The following DEFB129 variants were observed in gnomAD, a reference collection of about 807,000 sequenced individuals.
The protein encoded by DEFB129 is defensin beta 129, also known as beta-defensin 129.
Under a neutral mutation model 2.5 loss-of-function variants are expected in DEFB129, and 2 were observed. The ratio of observed to expected loss-of-function variants is 0.80; its 90% CI spans 0.33 to 2.53. The LOEUF (loss-of-function observed/expected upper bound fraction) is 2.53, where lower values mean the gene tolerates loss of function less well. Ranked by LOEUF, DEFB129 falls within the 30% of genes most tolerant of loss-of-function variation. The probability of loss-of-function intolerance (pLI) is 0.11; values close to 1 mark genes in which losing one functional copy is unlikely to be tolerated. For synonymous variants in DEFB129, 76 were observed against 74.4 expected (o/e 1.02, Z -0.11); for missense variants, 177 against 216.9 (o/e 0.82, Z 1.16).
chr20:229,194 T>TA (rs1413880901), intron 1 of DEFB129, 84 bp from the exon 2 acceptor site: 30 of 1,490,364 alleles, frequency 2.0e-5, no homozygotes, highest in Non-Finnish European at 2.3e-5. Flanking sequence ...AACTCTCTCT[T>TA]AGTCTATCCA....
Position 229,621 on chromosome 20 carries a change from C to A in DEFB129, c.402C>A (p.Thr134=), listed in dbSNP as rs769552404. The A allele has an allele frequency of 1.9e-6, 3 of 1,614,112 alleles. No individual in the cohort carries two copies. The highest frequency in any genetic ancestry group is 2.2e-5 in the East Asian group (1 of 44,888). The change falls in exon 2 of 2, where the codon ACC becomes ACA. Residue 134 remains threonine, a synonymous_variant. Transcript: ENST00000246105. ...PMNSATISTM[T]PGQITYTATS... ...ACTCTGCCACCATCAGCACTATGAC[C>A]CCAGGACAGATCACATACACTGCTA...
intron 1 of DEFB129, among the ~76,000 whole-genome samples, chr20:228,800 T>C (rs1196435852): frequency 6.6e-6 from 1 of 152,134 alleles, no homozygotes; most frequent in East Asian, 1.9e-4. Context: ...GATCTAGTGA[T>C]TGTTGAGAAG....
Position 229,435 on chromosome 20 carries a change from A to G in DEFB129, c.216A>G (p.Pro72=). 6.2e-7 allele frequency: 1 copy of G among 1,614,200 alleles called. No individual in the cohort carries two copies. The change falls in exon 2 of 2, where the codon CCA becomes CCG. Residue 72 remains proline, a synonymous_variant. Coordinates refer to ENST00000246105, the MANE Select transcript of DEFB129 (RefSeq NM_080831.4). The stretch of plus-strand genomic sequence containing the variant: ...AAAACTACCTGCAATATGGAACACC[A>G]AATGTACTTAATGAAGACGTCCAAG... ...LIKNYLQYGT[P]NVLNEDVQEM...
Position 227,355 on chromosome 20 carries a change from G to T in DEFB129, c.58+9G>T. 4 of 1,614,104 alleles carry T rather than the reference G, an allele frequency of 2.5e-6. No individual in the cohort carries two copies. Among genetic ancestry groups the T allele is most frequent in the Non-Finnish European group, 3.4e-6 (4 of 1,179,952 alleles). ...GTACCAGGTGAACACAGGTAATGTG[G>T]ATTCCCAAGTTTAAGATGGGTAGAT... On this transcript the variant is annotated intron_variant, in intron 1 of 1. Coordinates refer to ENST00000246105, the MANE Select transcript of DEFB129 (RefSeq NM_080831.4).
rs2011318113 is a variant in DEFB129, at chr20:229,586, AC to A, written c.371del (p.Pro124LeufsTer2). The A allele has an allele frequency of 6.2e-7, 1 of 1,614,142 alleles. No homozygotes were observed. The highest frequency in any genetic ancestry group is 2.2e-5 in the East Asian group (1 of 44,886). On this transcript the variant is annotated frameshift_variant, in exon 2 of 2. Coordinates refer to ENST00000246105, the MANE Select transcript of DEFB129 (RefSeq NM_080831.4). LOFTEE classifies it low-confidence loss of function (END_TRUNC). The part of the protein sequence containing the change: ...NTNFVIIPNA[T>X]PMNSATISTM... ...CAACTTTGTCATCATTCCAAATGCC[AC>A]CCCTATGAACTCTGCCACCATCAGC...
intron 1 of DEFB129, among the ~76,000 whole-genome samples, chr20:228,264 A>G (rs1600168410): frequency 7.0e-6 from 1 of 142,300 alleles, no homozygotes; most frequent in East Asian, 2.0e-4. Flanking sequence ...AGATGCTTCT[A>G]ATGTTTTTAT....
rs1276787097 is a variant in DEFB129 at position 227,278 on chromosome 20, G to A, written c.-11G>A. 5.0e-6 allele frequency: 8 copies of A among 1,614,036 alleles called. No homozygotes were observed. The highest frequency in any genetic ancestry group is 6.8e-6 in the Non-Finnish European group (8 of 1,179,938). On this transcript the variant is annotated 5_prime_UTR_variant, in exon 1 of 2. Transcript: ENST00000246105. ...AACCCAGATTCAAGGCTTCCTCTCT[G>A]GCACCCAACCATGAAGCTCCTTTTT...
Position 229,474 on chromosome 20 carries a change from T to C in DEFB129, c.255T>C (p.Pro85=). The change falls in exon 2 of 2, where the codon CCT becomes CCC. Residue 85 remains proline (P), a synonymous_variant. Transcript: ENST00000246105. The part of the protein sequence containing the change: ...LNEDVQEMLK[P]AKNSSAVIQR... ...AAGACGTCCAAGAAATGCTAAAACC[T>C]GCCAAGAATTCTAGTGCTGTGATAC... is the stretch of plus-strand genomic sequence containing the variant. 6.2e-7 allele frequency: 1 copy of C among 1,614,142 alleles called. No individual in the cohort carries two copies. The highest frequency in any genetic ancestry group is 8.5e-7 in the Non-Finnish European group (1 of 1,180,006).
At chr20:228,118 G>A (rs1433672705) in intron 1 of DEFB129, among the ~76,000 whole-genome samples, 2 of 152,146 alleles carry the variant, frequency 1.3e-5, no homozygotes, top group South Asian at 4.1e-4. Flanking sequence ...TATAGCAAAA[G>A]GCTAAGCCAG....
intron 1 of DEFB129, among the ~76,000 whole-genome samples, chr20:228,781 G>A (rs1002589305): frequency 4.6e-5 from 7 of 152,190 alleles, no homozygotes; most frequent in Non-Finnish European, 1.0e-4. Flanking sequence ...CCATGCTTCA[G>A]GAATCACAGA....
intron 1 of DEFB129, among the ~76,000 whole-genome samples, chr20:227,694 C>CTTT (rs111503819): frequency 7.0e-6 from 1 of 143,446 alleles, no homozygotes; most frequent in Admixed American, 6.7e-5. Context: ...CTTAAAAGCC[C>CTTT]TTTTTTTTTA....
intron 1 of DEFB129, 119 bp downstream of exon 1, chr20:227,465 A>G: frequency 8.3e-7 from 1 of 1,200,402 alleles, no homozygotes; most frequent in South Asian, 1.2e-5. Flanking sequence ...AAAGATGGCT[A>G]AAGAGCTTAC....
chr20:229,159 C>A, intron 1 of DEFB129, 119 bp from the exon 2 acceptor site: 1 of 1,335,314 alleles, frequency 7.5e-7, no homozygotes. Context: ...TTCCTAAACA[C>A]TGGGCTTAAA....
Position 227,353 on chromosome 20 carries a change from T to A in DEFB129, c.58+7T>A. On this transcript the variant is annotated splice_region_variant and intron_variant, in intron 1 of 1. Transcript: ENST00000246105. ...CAGTACCAGGTGAACACAGGTAATG[T>A]GGATTCCCAAGTTTAAGATGGGTAG... 1 of 1,614,128 alleles carries A rather than the reference T, an allele frequency of 6.2e-7. No individual in the cohort carries two copies. Among genetic ancestry groups the A allele is most frequent in the Non-Finnish European group, 8.5e-7 (1 of 1,179,966 alleles).
chr20:229,878 G>A lies in DEFB129; in HGVS notation c.*107G>A. On this transcript the variant is annotated 3_prime_UTR_variant, in exon 2 of 2. Coordinates refer to ENST00000246105, the MANE Select transcript of DEFB129 (RefSeq NM_080831.4). ...CAGTCATTCAATAAACACTGTTTGA[G>A]CACCTACAGTTTATGTAATATTATC... 1.4e-6 allele frequency: 2 copies of A among 1,414,794 alleles called. No individual in the cohort carries two copies. The highest frequency in any genetic ancestry group is 1.9e-6 in the Non-Finnish European group (2 of 1,068,130). The allele number at this position is 1,414,794 out of a possible 1,614,324, so 87.6% of individuals were successfully genotyped here. A position where few individuals can be genotyped will look rare whatever the true frequency, so the allele number is the denominator to read the frequency against.
At position 227,279 on chromosome 20, in the gene DEFB129, G is replaced by A. The variant is rs201468023; in HGVS notation, c.-10G>A. On this transcript the variant is annotated 5_prime_UTR_variant, in exon 1 of 2. Transcript: ENST00000246105. ...ACCCAGATTCAAGGCTTCCTCTCTG[G>A]CACCCAACCATGAAGCTCCTTTTTC... 1 of 1,613,990 alleles carries A rather than the reference G, an allele frequency of 6.2e-7. No individual in the cohort carries two copies. Among genetic ancestry groups the A allele is most frequent in the East Asian group, 2.2e-5 (1 of 44,858 alleles).
At position 229,792 on chromosome 20, in the gene DEFB129, C is replaced by T; in HGVS notation, c.*21C>T. 6.3e-7 allele frequency: 1 copy of T among 1,585,256 alleles called. No individual in the cohort carries two copies. The highest frequency in any genetic ancestry group is 1.7e-5 in the Admixed American group (1 of 57,288). On this transcript the variant is annotated 3_prime_UTR_variant, in exon 2 of 2. Transcript: ENST00000246105. ...AGTAATGTGGATCTTTCCCTTAAAA[C>T]TCCAAGTTCCTCTCTATTTTTGCTA...
intron 1 of DEFB129, 58 bp downstream of exon 1, chr20:227,404 C>T (rs2046440217): frequency 6.3e-7 from 1 of 1,590,734 alleles, no homozygotes; most frequent in Non-Finnish European, 8.6e-7. Context: ...GATTTGGCTG[C>T]CCATGACAAT....
intron 1 of DEFB129, 77 bp from the exon 2 acceptor site, chr20:229,201 T>C: frequency 2.0e-6 from 3 of 1,504,334 alleles, no homozygotes; most frequent in Admixed American, 2.3e-5. Flanking sequence ...TCTTAGTCTA[T>C]CCATCTCCCA....
Sources: gnomAD v4.1 joint callset for allele counts (sites outside exome capture counted in the v4.1 genomes callset) on GRCh38, gnomAD v4.1.1 for gene constraint, MANE v1.5 for transcripts, NCBI Gene and HGNC (gene_info 2026-07-23, HGNC 2026-07-21) for gene names.